Variants in NTM observed in about 807,000 individuals in gnomAD.
NTM encodes IgLON family member 2.
A neutral mutation model predicts 42.1 loss-of-function variants in NTM; 13 were observed. The ratio of observed to expected loss-of-function variants is 0.31; its 90% CI spans 0.20 to 0.49. The LOEUF (loss-of-function observed/expected upper bound fraction) is 0.49, where lower values mean the gene tolerates loss of function less well. NTM is among the 20% of genes least tolerant of loss of function. The probability of loss-of-function intolerance (pLI) is 0.99; values close to 1 mark genes in which losing one functional copy is unlikely to be tolerated. For synonymous variants in NTM, 187 were observed against 179.2 expected, an observed-to-expected ratio of 1.04 and a Z score of -0.35; for missense variants, 373 against 452.8, an observed-to-expected ratio of 0.82 and a Z score of 1.60.
chr11:132,194,568 TACCACTCTC>T (rs1220241375), intron 3 of NTM, among the ~76,000 whole-genome samples: 2 of 152,094 alleles, frequency 1.3e-5, no homozygotes, highest in Non-Finnish European at 2.9e-5. Flanking sequence ...AGGCAATTAT[TACCACTCTC>T]ACCAGACCTA....
At chr11:132,023,634 G>A (rs528926011) in intron 2 of NTM, among the ~76,000 whole-genome samples, 1 of 152,296 alleles carries the variant, frequency 6.6e-6, no homozygotes, top group Admixed American at 6.5e-5. Context: ...ATTATTCAGG[G>A]TTCTTCTCGA....
chr11:131,390,020 G>A (rs76977203), intron 1 of NTM, among the ~76,000 whole-genome samples: 3,317 of 152,260 alleles, frequency 0.022, 110 homozygotes, highest in African/African-American at 0.076. Flanking sequence ...TGGTCCATTT[G>A]CATTGCTATG....
intron 1 of NTM, among the ~76,000 whole-genome samples, chr11:131,472,687 A>G (rs940127063): frequency 1.3e-5 from 2 of 152,208 alleles, no homozygotes; most frequent in Non-Finnish European, 2.9e-5. Context: ...AGTGTAAAAA[A>G]GCTGATGGGT....
chr11:132,023,868 G>C (rs966194629), intron 2 of NTM, among the ~76,000 whole-genome samples: 2 of 151,892 alleles, frequency 1.3e-5, no homozygotes, highest in African/African-American at 2.4e-5. Flanking sequence ...GCCCAGGCTG[G>C]AGTGCAGTGG....
At chr11:132,083,922 T>G (rs995198840) in intron 2 of NTM, among the ~76,000 whole-genome samples, 4 of 152,026 alleles carry the variant, frequency 2.6e-5, no homozygotes, top group Non-Finnish European at 5.9e-5. Flanking sequence ...TATTAAAGAC[T>G]TTAAATAGTT....
intron 1 of NTM, among the ~76,000 whole-genome samples, chr11:131,399,628 C>G (rs776791891): frequency 6.6e-6 from 1 of 152,178 alleles, no homozygotes; most frequent in Admixed American, 6.5e-5. Context: ...CCTCAGCACA[C>G]AGAGCCCCTC....
At chr11:131,802,512 G>A (rs1461172465) in intron 1 of NTM, among the ~76,000 whole-genome samples, 1 of 152,212 alleles carries the variant, frequency 6.6e-6, no homozygotes, top group Non-Finnish European at 1.5e-5. Context: ...CTCTGTGGGA[G>A]CCTGGAGGCC....
intron 4 of NTM, among the ~76,000 whole-genome samples, chr11:132,294,499 A>G (rs2094549634): frequency 6.6e-6 from 1 of 152,182 alleles, no homozygotes; most frequent in Non-Finnish European, 1.5e-5. Context: ...TTTTCACGCC[A>G]AGATCCAGTA....
chr11:131,856,111 A>G (rs1249406573), intron 1 of NTM, among the ~76,000 whole-genome samples: 2 of 152,152 alleles, frequency 1.3e-5, no homozygotes, highest in Non-Finnish European at 2.9e-5. Flanking sequence ...GAGCACTGGT[A>G]CTTGCTGGGG....
At position 132,262,592 on chromosome 11, in the gene NTM, C is replaced by T. The variant is rs548833229; in HGVS notation, c.527-45097C>T. On this transcript the variant is annotated intron_variant, in intron 4 of 8. Coordinates refer to ENST00000683400, the MANE Select transcript of NTM (RefSeq NM_001352005.2). Reference sequence around the variant, plus strand: ...TCATCTCTTTTTTTATCTATTCTTACGAGGACTTTAATTCCATTCACGAGG... The same window carrying T: ...TCATCTCTTTTTTTATCTATTCTTATGAGGACTTTAATTCCATTCACGAGG... Among the ~76,000 whole-genome samples, 21 of 152,170 alleles carry T rather than the reference C, an allele frequency of 1.4e-4. No individual in the cohort carries two copies. The South Asian group carries it at 1.5e-3, about 11-fold the overall frequency.
At chr11:131,726,445 C>T (rs1465878684) in intron 1 of NTM, among the ~76,000 whole-genome samples, 1 of 151,220 alleles carries the variant, frequency 6.6e-6, no homozygotes, top group African/African-American at 2.5e-5. Flanking sequence ...AGACACCAGC[C>T]CTTTACTCTA....
intron 2 of NTM, among the ~76,000 whole-genome samples, chr11:132,080,461 C>T (rs1247335310): frequency 1.3e-5 from 2 of 152,220 alleles, no homozygotes; most frequent in Admixed American, 1.3e-4. Context: ...GGGTAGACAG[C>T]TTTGCTTGAC....
At chr11:131,414,695 T>TGATG (rs779770314) in intron 1 of NTM, among the ~76,000 whole-genome samples, 7 of 152,204 alleles carry the variant, frequency 4.6e-5, no homozygotes, top group Admixed American at 4.6e-4. Context: ...CTGCTGCCAG[T>TGATG]GATGGACAGA....
intron 1 of NTM, among the ~76,000 whole-genome samples, chr11:131,667,999 G>A (rs2069388059): frequency 6.6e-6 from 1 of 152,194 alleles, no homozygotes; most frequent in Non-Finnish European, 1.5e-5. Context: ...TGCCTTGTGC[G>A]GCTTGAGCTT....
At chr11:131,556,713 A>G (rs35455859) in intron 1 of NTM, among the ~76,000 whole-genome samples, 16,711 of 151,824 alleles carry the variant, frequency 0.11, 1,164 homozygotes, top group Non-Finnish European at 0.16. Context: ...GACTACAGGC[A>G]TGCGCCACCA....
At chr11:131,435,247 T>G (rs111407211) in intron 1 of NTM, among the ~76,000 whole-genome samples, 3 of 152,182 alleles carry the variant, frequency 2.0e-5, no homozygotes, top group African/African-American at 4.8e-5. Context: ...TTGTTCTTTT[T>G]GCTTAGGATT....
intron 1 of NTM, among the ~76,000 whole-genome samples, chr11:131,733,505 T>TCCTA (rs2079984542): frequency 6.7e-6 from 1 of 149,012 alleles, no homozygotes; most frequent in African/African-American, 2.5e-5. Flanking sequence ...CTTCCTTCCT[T>TCCTA]CCTTCCTTCC....
At chr11:132,023,427 G>A (rs1476811366) in intron 2 of NTM, among the ~76,000 whole-genome samples, 1 of 152,192 alleles carries the variant, frequency 6.6e-6, no homozygotes, top group Non-Finnish European at 1.5e-5. Flanking sequence ...TGAGCCTTCT[G>A]GTCACAGCTG....
intron 2 of NTM, among the ~76,000 whole-genome samples, chr11:131,994,175 C>T (rs2067561324): frequency 6.6e-6 from 1 of 152,086 alleles, no homozygotes; most frequent in African/African-American, 2.4e-5. Context: ...TGGCTAGTGA[C>T]AAGTCAGTGA....
Sources: allele counts gnomAD v4.1 joint callset (sites outside exome capture counted in the v4.1 genomes callset), GRCh38; gene constraint gnomAD v4.1.1; transcripts MANE v1.5; gene names NCBI Gene and HGNC (gene_info 2026-07-23, HGNC 2026-07-21).